The following FAT3 variants were observed in gnomAD, a reference collection of about 807,000 sequenced individuals.
FAT3 encodes the protein FAT atypical cadherin 3, also known as protocadherin Fat 3.
FAT3 carries 95 observed loss-of-function variants against 310.2 expected under a neutral mutation model. That is an observed-to-expected ratio of 0.31 (90% CI 0.26 to 0.36). The LOEUF (loss-of-function observed/expected upper bound fraction) is 0.36, where lower values mean the gene tolerates loss of function less well. Ranked by LOEUF, FAT3 falls within the 10% of genes least tolerant of loss-of-function variation. FAT3 has a pLI of 1.00. For synonymous variants in FAT3, 2,314 were observed against 2,192.9 expected (o/e 1.06, Z -1.54); for missense variants, 5,408 against 5,715.6 (o/e 0.95, Z 1.74).
intron 2 of FAT3, among the ~76,000 whole-genome samples, chr11:92,521,066 A>T (rs771111306): frequency 6.6e-6 from 1 of 152,098 alleles, no homozygotes; most frequent in Non-Finnish European, 1.5e-5. Flanking sequence ...TGACAAGTGG[A>T]AGAAAATAAT....
intron 3 of FAT3, among the ~76,000 whole-genome samples, chr11:92,623,415 T>C (rs147848912): frequency 6.6e-6 from 1 of 152,334 alleles, no homozygotes; most frequent in Non-Finnish European, 1.5e-5. Context: ...TAAGTTAGAA[T>C]TGCATTGAAT....
intron 4 of FAT3, among the ~76,000 whole-genome samples, chr11:92,725,803 G>T (rs1237322586): frequency 6.6e-6 from 1 of 152,066 alleles, no homozygotes; most frequent in African/African-American, 2.4e-5. Flanking sequence ...TCTTTATATA[G>T]AGACTCCTTT....
intron 1 of FAT3, among the ~76,000 whole-genome samples, chr11:92,272,983 GT>G (rs1946168282): frequency 6.6e-6 from 1 of 152,110 alleles, no homozygotes; most frequent in African/African-American, 2.4e-5. Context: ...GGAGGACTAT[GT>G]TTTTTCATAA....
At chr11:92,371,992 C>A (rs757834851) in intron 2 of FAT3, among the ~76,000 whole-genome samples, 2 of 152,172 alleles carry the variant, frequency 1.3e-5, no homozygotes, top group Non-Finnish European at 1.5e-5. Context: ...CACAGCTTCA[C>A]AACAATACTC....
chr11:92,345,557 C>G (rs993712964), intron 1 of FAT3, among the ~76,000 whole-genome samples: 3 of 152,156 alleles, frequency 2.0e-5, no homozygotes, highest in African/African-American at 7.2e-5. Flanking sequence ...TGAAATTTAA[C>G]AAGCCTTATG....
At chr11:92,367,432 AAAAT>A (rs925847918) in intron 2 of FAT3, among the ~76,000 whole-genome samples, 2 of 152,260 alleles carry the variant, frequency 1.3e-5, no homozygotes, top group African/African-American at 4.8e-5. Context: ...CCTCTGTCTA[AAAAT>A]AAATAAATTA....
At chr11:92,605,786 C>T (rs1490152488) in intron 3 of FAT3, among the ~76,000 whole-genome samples, 1 of 135,824 alleles carries the variant, frequency 7.4e-6, no homozygotes, top group Non-Finnish European at 1.5e-5. Flanking sequence ...CAAGTCAATC[C>T]CTATTTATTG....
intron 2 of FAT3, among the ~76,000 whole-genome samples, chr11:92,474,862 G>A (rs1317644453): frequency 2.0e-5 from 3 of 152,152 alleles, no homozygotes; most frequent in Non-Finnish European, 4.4e-5. Flanking sequence ...ACTAGAGATG[G>A]CTAAAAATGT....
At chr11:92,524,325 C>T (rs1953781062) in intron 2 of FAT3, among the ~76,000 whole-genome samples, 1 of 151,800 alleles carries the variant, frequency 6.6e-6, no homozygotes, top group African/African-American at 2.4e-5. Context: ...CTTCTCATTC[C>T]TCTATATCAT....
At chr11:92,520,700 G>T (rs1040289522) in intron 2 of FAT3, among the ~76,000 whole-genome samples, 2 of 152,080 alleles carry the variant, frequency 1.3e-5, no homozygotes, top group Non-Finnish European at 2.9e-5. Context: ...CTGGACATCA[G>T]TGGTGTTAGC....
At chr11:92,358,938 G>T (rs960549352) in intron 2 of FAT3, among the ~76,000 whole-genome samples, 1 of 152,156 alleles carries the variant, frequency 6.6e-6, no homozygotes, top group African/African-American at 2.4e-5. Flanking sequence ...GACTTGCTTG[G>T]ATTTAAGTCT....
intron 1 of FAT3, among the ~76,000 whole-genome samples, chr11:92,337,869 T>C (rs1199442999): frequency 1.3e-5 from 2 of 152,240 alleles, no homozygotes; most frequent in African/African-American, 4.8e-5. Flanking sequence ...TGCCAAATCA[T>C]GGGCATTGAA....
intron 19 of FAT3, among the ~76,000 whole-genome samples, chr11:92,849,388 G>C (rs184460067): frequency 1.3e-5 from 2 of 152,246 alleles, no homozygotes; most frequent in Non-Finnish European, 2.9e-5. Context: ...GCAGCACTGA[G>C]ATGATCTTCT....
chr11:92,602,904 A>C (rs1267325953), intron 3 of FAT3, among the ~76,000 whole-genome samples: 2 of 152,174 alleles, frequency 1.3e-5, no homozygotes, highest in African/African-American at 4.8e-5. Flanking sequence ...TGTATTTGTT[A>C]GGCCTACCAG....
chr11:92,453,348 A>G (rs549995972), intron 2 of FAT3, among the ~76,000 whole-genome samples: 2 of 152,286 alleles, frequency 1.3e-5, no homozygotes, highest in East Asian at 3.9e-4. Context: ...ACTTTAAGCC[A>G]AGCAAAATGG....
intron 1 of FAT3, among the ~76,000 whole-genome samples, chr11:92,298,600 G>T (rs1946909683): frequency 6.6e-6 from 1 of 152,090 alleles, no homozygotes; most frequent in African/African-American, 2.4e-5. Context: ...GTGCTGGTTT[G>T]GGTCTTTGGT....
In FAT3 at chr11:92,309,380, G is replaced by A. The variant is rs949979282; in HGVS notation, c.-17-42716G>A. ...CACTCTCGCACTCTTTTACACACAC[G>A]CATGCACACACACACACACACACAC... On this transcript the variant is annotated intron_variant, in intron 1 of 27. Coordinates refer to ENST00000525166, the MANE Select transcript of FAT3 (RefSeq NM_001367949.2). 1.2e-4 allele frequency among the ~76,000 whole-genome samples: 5 copies of A among 42,664 alleles called. 1 individual carries two copies. The Middle Eastern group carries it at 0.035, about 298-fold the overall frequency. The allele number at this position is 42,664 out of a possible 152,430, so 28.0% of individuals were successfully genotyped here. A position where few individuals can be genotyped will look rare whatever the true frequency, so the allele number is the denominator to read the frequency against.
intron 2 of FAT3, among the ~76,000 whole-genome samples, chr11:92,433,299 G>A (rs1950840218): frequency 6.6e-6 from 1 of 152,144 alleles, no homozygotes; most frequent in Non-Finnish European, 1.5e-5. Flanking sequence ...AACTCCTGCT[G>A]CTAACTCGGT....
Position 92,843,966 on chromosome 11 carries a change from T to A in FAT3, c.10599T>A (p.Ser3533=), listed in dbSNP as rs1018474668. Residue 3533 remains serine (S), a synonymous_variant, in exon 19 of 28, where the codon TCT becomes TCA. Coordinates refer to ENST00000525166, the MANE Select transcript of FAT3 (RefSeq NM_001367949.2). ...ATTCAGGCAAACCCCAGCAAGTTTC[T>A]CACACTTACATCCGCGTGCGAGTCA... ...AKDSGKPQQV[S]HTYIRVRVIE... The A allele has an allele frequency of 1.9e-6, 3 of 1,609,570 alleles. No individual in the cohort carries two copies. The African/African-American group carries it at 4.0e-5, about 22-fold the overall frequency.
Sources: gnomAD v4.1 joint callset for allele counts (sites outside exome capture counted in the v4.1 genomes callset) on GRCh38, gnomAD v4.1.1 for gene constraint, MANE v1.5 for transcripts, NCBI Gene and HGNC (gene_info 2026-07-23, HGNC 2026-07-21) for gene names.